The following HELZ variants were observed in gnomAD, a reference collection of about 807,000 sequenced individuals.
HELZ encodes the protein ATP-dependent RNA helicase with zinc finger domain.
In HELZ, 23 loss-of-function variants were observed where a neutral mutation model predicts 218.2. The observed-to-expected ratio is 0.11, with a 90% confidence interval of 0.08 to 0.15. The LOEUF (loss-of-function observed/expected upper bound fraction) is 0.15. Among genes scored for constraint, HELZ ranks in the 10% least tolerant of loss-of-function variants. HELZ has a pLI of 1.00. For synonymous variants in HELZ, 814 were observed against 829.4 expected, an observed-to-expected ratio of 0.98 and a Z score of 0.32; for missense variants, 1,813 against 2,353.7, an observed-to-expected ratio of 0.77 and a Z score of 4.75.
At chr17:67,136,275 T>C in intron 22 of HELZ, 77 bp from the exon 23 acceptor site, 1 of 971,888 alleles carries the variant, frequency 1.0e-6, no homozygotes, top group Non-Finnish European at 1.5e-6. Context: ...ATTGCATTTT[T>C]TAAAATGTTA....
In HELZ at chr17:67,138,134, C is replaced by CAT. The variant is rs1257575583; in HGVS notation, c.2770-22_2770-21dup. 6 of 1,578,108 alleles carry CAT rather than the reference C, an allele frequency of 3.8e-6. No individual in the cohort carries two copies. Among genetic ancestry groups the CAT allele is most frequent in the Admixed American group, 1.8e-5 (1 of 57,066 alleles). ...AAACACCTTTAAAAACAAACACACA[C>CAT]ATACATATTAAAGTTATCACCAATG... On this transcript the variant is annotated intron_variant, in intron 21 of 32. Coordinates refer to ENST00000358691, the MANE Select transcript of HELZ (RefSeq NM_014877.4).
intron 5 of HELZ, among the ~76,000 whole-genome samples, chr17:67,212,032 T>G (rs2040465025): frequency 6.6e-6 from 1 of 151,954 alleles, no homozygotes; most frequent in South Asian, 2.1e-4. Flanking sequence ...TTGCAAGGAA[T>G]GCAAATTAAT....
intron 21 of HELZ, among the ~76,000 whole-genome samples, chr17:67,141,062 A>G (rs1466564440): frequency 6.6e-6 from 1 of 152,208 alleles, no homozygotes; most frequent in Admixed American, 6.5e-5. Context: ...GACTCCCCTT[A>G]TAAGAAATAC....
chr17:67,074,860 TAAAAA>T lies in HELZ; in HGVS notation c.*3387_*3391del, dbSNP rs199909135. On this transcript the variant is annotated 3_prime_UTR_variant, in exon 33 of 33. Transcript: ENST00000358691. The stretch of plus-strand genomic sequence containing the variant: ...AAACTTATTCTAAAATCTGATGATT[TAAAAA>T]AAAAAAAAATCTACACAAAGCAGTT... The T allele has an allele frequency of 1.4e-5, 2 of 140,298 alleles. No individual in the cohort carries two copies. Among genetic ancestry groups the T allele is most frequent in the African/African-American group, 5.1e-5 (2 of 39,176 alleles). The allele number at this position is 140,298 out of a possible 1,614,324, so 8.7% of individuals were successfully genotyped here. A position where few individuals can be genotyped will look rare whatever the true frequency, so the allele number is the denominator to read the frequency against.
chr17:67,083,069 C>T (rs545856198), intron 32 of HELZ, among the ~76,000 whole-genome samples: 1 of 152,000 alleles, frequency 6.6e-6, no homozygotes, highest in African/African-American at 2.4e-5. Flanking sequence ...GTTGGCCAAG[C>T]TGGTCTCAAA....
At chr17:67,145,646 C>CAAT (rs2038470672) in intron 21 of HELZ, 97 bp downstream of exon 21, 1 of 844,896 alleles carries the variant, frequency 1.2e-6, no homozygotes, top group Admixed American at 2.3e-5. Flanking sequence ...AGTCAATATG[C>CAAT]AATACAATGT....
intron 28 of HELZ, among the ~76,000 whole-genome samples, chr17:67,111,649 C>T (rs2037283310): frequency 6.6e-6 from 1 of 152,086 alleles, no homozygotes; most frequent in Non-Finnish European, 1.5e-5. Context: ...AAATGGATTG[C>T]CATTAAATTT....
intron 32 of HELZ, among the ~76,000 whole-genome samples, chr17:67,084,455 G>A (rs988701870): frequency 2.0e-5 from 3 of 151,900 alleles, no homozygotes; most frequent in African/African-American, 7.3e-5. Context: ...AAGGTCAGGA[G>A]ATCGAGACCA....
At chr17:67,207,946 C>G (rs1237827273) in intron 5 of HELZ, among the ~76,000 whole-genome samples, 1 of 152,188 alleles carries the variant, frequency 6.6e-6, no homozygotes, top group Non-Finnish European at 1.5e-5. Flanking sequence ...TTGCAGTGAG[C>G]TGAGATCACT....
chr17:67,102,096 A>C (rs1382349757), intron 31 of HELZ, among the ~76,000 whole-genome samples: 2 of 152,214 alleles, frequency 1.3e-5, no homozygotes, highest in Non-Finnish European at 2.9e-5. Context: ...GAGGTGGGGA[A>C]GGAAAATCCA....
rs985754578 is a variant in HELZ, at chr17:67,074,997, A to C, written c.*3255T>G. ...ATGGTCAATAATTAACTACTGATTA[A>C]TCAAAAACAAAGTTCTGCTATAACA... On this transcript the variant is annotated 3_prime_UTR_variant, in exon 33 of 33. Coordinates refer to ENST00000358691, the MANE Select transcript of HELZ (RefSeq NM_014877.4). 3 of 152,196 alleles carry C rather than the reference A, an allele frequency of 2.0e-5. No homozygotes were observed. Among genetic ancestry groups the C allele is most frequent in the Admixed American group, 6.5e-5 (1 of 15,286 alleles). 9.4% of individuals were successfully genotyped at this position (152,196 alleles called of 1,614,324 possible).
chr17:67,227,421 T>A (rs1243868543), intron 3 of HELZ, among the ~76,000 whole-genome samples: 2 of 152,084 alleles, frequency 1.3e-5, no homozygotes, highest in African/African-American at 4.8e-5. Flanking sequence ...TCTCTTGACC[T>A]CATGATCTGC....
At chr17:67,212,806 C>A (rs1049287775) in intron 5 of HELZ, among the ~76,000 whole-genome samples, 1 of 152,132 alleles carries the variant, frequency 6.6e-6, no homozygotes, top group African/African-American at 2.4e-5. Flanking sequence ...ACTCTGCATA[C>A]AATTTTTTCT....
chr17:67,221,838 T>TTG (rs1249950518), intron 3 of HELZ, among the ~76,000 whole-genome samples: 2 of 150,754 alleles, frequency 1.3e-5, no homozygotes, highest in Admixed American at 6.6e-5. Context: ...TTGCTGTTTT[T>TTG]TGTGTTTTTT....
intron 3 of HELZ, chr17:67,224,891 T>G: frequency 1.3e-6 from 1 of 767,392 alleles, no homozygotes; most frequent in South Asian, 1.3e-5. Flanking sequence ...AAGCCGATCT[T>G]CCGGAAGAAG....
intron 1 of HELZ, chr17:67,244,552 G>T: frequency 1.1e-6 from 1 of 949,072 alleles, no homozygotes; most frequent in Non-Finnish European, 1.3e-6. Context: ...TGATGTGCTT[G>T]TGGGCCAAAG....
intron 5 of HELZ, among the ~76,000 whole-genome samples, chr17:67,205,496 C>A (rs1242548435): frequency 1.3e-5 from 2 of 152,116 alleles, no homozygotes; most frequent in South Asian, 2.1e-4. Context: ...CAGTCTCCTG[C>A]ATAAGTAAGA....
At chr17:67,145,649 T>C (rs2038470777) in intron 21 of HELZ, 94 bp downstream of exon 21, 1 of 943,368 alleles carries the variant, frequency 1.1e-6, no homozygotes, top group African/African-American at 1.7e-5. Flanking sequence ...CAATATGCAA[T>C]ACAATGTCAA....
Position 67,086,814 on chromosome 17 carries a change from C to A in HELZ, c.5494+15G>T. 6.2e-7 allele frequency: 1 copy of A among 1,612,610 alleles called. No individual in the cohort carries two copies. Among genetic ancestry groups the A allele is most frequent in the South Asian group, 1.1e-5 (1 of 91,036 alleles). On this transcript the variant is annotated intron_variant, in intron 32 of 32. Coordinates refer to ENST00000358691, the MANE Select transcript of HELZ (RefSeq NM_014877.4). Reference sequence around the variant, plus strand: ...GAGGAGTACAGATTAGTTTTAGCCACCAACTCTGTCTTACCTATCAACTCT... The same window carrying A: ...GAGGAGTACAGATTAGTTTTAGCCAACAACTCTGTCTTACCTATCAACTCT...
Sources: gnomAD v4.1 joint callset for allele counts (sites outside exome capture counted in the v4.1 genomes callset) on GRCh38, gnomAD v4.1.1 for gene constraint, MANE v1.5 for transcripts, NCBI Gene and HGNC (gene_info 2026-07-23, HGNC 2026-07-21) for gene names.